The following CTIF variants were observed in gnomAD, a reference collection of about 807,000 sequenced individuals.
The protein encoded by CTIF is cap binding complex dependent translation initiation factor, also known as CBP80/20-dependent translation initiation factor.
In CTIF, 21 loss-of-function variants were observed where a neutral mutation model predicts 66.0. The ratio of observed to expected loss-of-function variants is 0.32; its 90% CI spans 0.23 to 0.46. The LOEUF (loss-of-function observed/expected upper bound fraction) is 0.46, where lower values mean the gene tolerates loss of function less well. Among genes scored for constraint, CTIF ranks in the 20% least tolerant of loss-of-function variants. The pLI, the probability that CTIF is intolerant of heterozygous loss-of-function variation, is 1.00. For synonymous variants in CTIF, 345 were observed against 326.4 expected (o/e 1.06, Z -0.62); for missense variants, 739 against 812.7 (o/e 0.91, Z 1.10).
chr18:48,793,829 T>A (rs376366565), intron 9 of CTIF, among the ~76,000 whole-genome samples: 145 of 152,224 alleles, frequency 9.5e-4, no homozygotes, highest in African/African-American at 3.4e-3. Flanking sequence ...CCCAGGAAAG[T>A]GGGAAGGTTT....
At chr18:48,779,080 C>T (rs1275795336) in intron 9 of CTIF, among the ~76,000 whole-genome samples, 2 of 152,198 alleles carry the variant, frequency 1.3e-5, no homozygotes, top group African/African-American at 4.8e-5. Flanking sequence ...TAGATAATAC[C>T]TGCCTCCTTT....
rs538552216 is a variant in CTIF, at chr18:48,659,119, T to C, written c.253-4633T>C. On this transcript the variant is annotated intron_variant, in intron 3 of 11. Coordinates refer to ENST00000256413, the MANE Select transcript of CTIF (RefSeq NM_014772.3). The stretch of plus-strand genomic sequence containing the variant: ...GCCCCTGTTGATGAAAGTTTGCCTT[T>C]AGTGGTTATATGCCTGTCTTGTGCC... Among the ~76,000 whole-genome samples the C allele has an allele frequency of 3.9e-5, 6 of 152,212 alleles. No individual in the cohort carries two copies. The South Asian group carries it at 1.2e-3, about 32-fold the overall frequency.
Position 48,545,416 on chromosome 18 carries a change from G to C in CTIF, c.-29+6104G>C, listed in dbSNP as rs547133895. On this transcript the variant is annotated intron_variant, in intron 1 of 11. Transcript: ENST00000256413. ...GCTCTCCACGGCATCCAGGTCATAG[G>C]GGGTGAGACCTGGAACAAGGGCCAT... is the stretch of plus-strand genomic sequence containing the variant. 3.3e-5 allele frequency among the ~76,000 whole-genome samples: 5 copies of C among 152,276 alleles called. No individual in the cohort carries two copies. The South Asian group carries it at 6.2e-4, about 19-fold the overall frequency.
intron 1 of CTIF, among the ~76,000 whole-genome samples, chr18:48,570,818 G>A (rs1431758558): frequency 6.6e-6 from 1 of 152,124 alleles, no homozygotes; most frequent in Non-Finnish European, 1.5e-5. Flanking sequence ...GGAGGGTGGA[G>A]GGAGGTGAGG....
intron 6 of CTIF, among the ~76,000 whole-genome samples, chr18:48,692,259 G>C (rs2091937416): frequency 6.6e-6 from 1 of 151,606 alleles, no homozygotes; most frequent in African/African-American, 2.4e-5. Context: ...GGAAACAAAG[G>C]GATTGTGCCC....
intron 7 of CTIF, among the ~76,000 whole-genome samples, chr18:48,746,909 G>A (rs1019695888): frequency 2.6e-5 from 4 of 151,872 alleles, no homozygotes; most frequent in Non-Finnish European, 4.4e-5. Flanking sequence ...ACTACCTCAC[G>A]TCCTCCAGGA....
intron 9 of CTIF, among the ~76,000 whole-genome samples, chr18:48,778,428 C>T (rs763670598): frequency 4.6e-5 from 7 of 152,152 alleles, no homozygotes; most frequent in Admixed American, 1.3e-4. Context: ...GAAAATGCAC[C>T]GGGGAAAGCC....
intron 2 of CTIF, among the ~76,000 whole-genome samples, chr18:48,633,800 ATTAG>A (rs1199474918): frequency 6.6e-6 from 1 of 152,178 alleles, no homozygotes; most frequent in Non-Finnish European, 1.5e-5. Flanking sequence ...ATACATACAT[ATTAG>A]TTTTTGTTTT....
At chr18:48,807,269 C>CA (rs1387668807) in intron 9 of CTIF, among the ~76,000 whole-genome samples, 5 of 151,950 alleles carry the variant, frequency 3.3e-5, no homozygotes, top group South Asian at 2.1e-4. Context: ...TGTCCTAATG[C>CA]AAAAAATCAA....
chr18:48,749,778 T>A (rs7236019), intron 7 of CTIF, among the ~76,000 whole-genome samples: 2 of 152,158 alleles, frequency 1.3e-5, no homozygotes, highest in South Asian at 2.1e-4. Context: ...ATTTGAACTC[T>A]GGGGATCTGG....
At chr18:48,603,516 T>TGGAC (rs1568065483) in intron 1 of CTIF, among the ~76,000 whole-genome samples, 7 of 147,678 alleles carry the variant, frequency 4.7e-5, no homozygotes, top group African/African-American at 1.5e-4. Context: ...GATGGATGGA[T>TGGAC]GGATGGATGG....
At chr18:48,732,195 C>T (rs1038027542) in intron 7 of CTIF, among the ~76,000 whole-genome samples, 3 of 152,228 alleles carry the variant, frequency 2.0e-5, no homozygotes, top group Admixed American at 6.5e-5. Flanking sequence ...CTCCCATTCC[C>T]TGGGGTACGT....
intron 9 of CTIF, among the ~76,000 whole-genome samples, chr18:48,806,042 C>T (rs1285975687): frequency 4.6e-5 from 7 of 152,052 alleles, no homozygotes; most frequent in South Asian, 2.1e-4. Context: ...TGGAGGTGAT[C>T]AGGGCTGGGA....
intron 1 of CTIF, among the ~76,000 whole-genome samples, chr18:48,584,164 G>C (rs145109454): frequency 2.1e-3 from 321 of 152,258 alleles, no homozygotes; most frequent in African/African-American, 6.7e-3. Flanking sequence ...GCCCTCACTT[G>C]CTCTCTAGGA....
At chr18:48,851,665 C>T (rs371784372) in intron 10 of CTIF, among the ~76,000 whole-genome samples, 51 of 152,266 alleles carry the variant, frequency 3.3e-4, no homozygotes, top group African/African-American at 8.4e-4. Context: ...CTTCCCTCCC[C>T]GGGAGAAGCA....
At chr18:48,635,375 G>C (rs1325674108) in intron 2 of CTIF, among the ~76,000 whole-genome samples, 1 of 105,368 alleles carries the variant, frequency 9.5e-6, no homozygotes, top group Non-Finnish European at 1.8e-5. Context: ...CAAGAGCATT[G>C]TGCATTGGCA....
chr18:48,857,473 T>G (rs2069356124), intron 10 of CTIF, 115 bp from the exon 11 acceptor site: 1 of 834,262 alleles, frequency 1.2e-6, no homozygotes, highest in Non-Finnish European at 1.9e-6. Context: ...TGGAGATGTT[T>G]GTTACAGGCC....
intron 6 of CTIF, among the ~76,000 whole-genome samples, chr18:48,701,211 T>C (rs1406072214): frequency 6.6e-6 from 1 of 152,110 alleles, no homozygotes. Context: ...TCATTCCTCA[T>C]GGCCCTTTGT....
chr18:48,750,512 C>T (rs1436316803), intron 7 of CTIF, among the ~76,000 whole-genome samples: 2 of 152,270 alleles, frequency 1.3e-5, no homozygotes, highest in African/African-American at 2.4e-5. Context: ...AGGGGCCACC[C>T]GAAAAACAAT....
Sources: allele counts gnomAD v4.1 joint callset (sites outside exome capture counted in the v4.1 genomes callset), GRCh38; gene constraint gnomAD v4.1.1; transcripts MANE v1.5; gene names NCBI Gene and HGNC (gene_info 2026-07-23, HGNC 2026-07-21).